The following PTPRN2 variants were observed in gnomAD, a reference collection of about 807,000 sequenced individuals.
PTPRN2 encodes receptor-type tyrosine-protein phosphatase N2.
In PTPRN2, 74 loss-of-function variants were observed where a neutral mutation model predicts 118.8. The ratio of observed to expected loss-of-function variants is 0.62; its 90% CI spans 0.52 to 0.76. The LOEUF (loss-of-function observed/expected upper bound fraction) is 0.76. PTPRN2 is among the 30% of genes least tolerant of loss of function. PTPRN2 has a pLI of 0.00. For missense variants in PTPRN2, 1,481 were observed against 1,394.4 expected, an observed-to-expected ratio of 1.06 and a Z score of -0.99; for synonymous variants, 641 against 608.0, an observed-to-expected ratio of 1.05 and a Z score of -0.80.
chr7:157,799,491 G>A (rs1805093134), intron 12 of PTPRN2, among the ~76,000 whole-genome samples: 1 of 152,046 alleles, frequency 6.6e-6, no homozygotes, highest in Admixed American at 6.6e-5. Flanking sequence ...CCCAGCCCAG[G>A]GCTCCCTCCT....
At chr7:158,197,672 G>C (rs1034650949) in intron 4 of PTPRN2, among the ~76,000 whole-genome samples, 1 of 152,178 alleles carries the variant, frequency 6.6e-6, no homozygotes, top group Non-Finnish European at 1.5e-5. Flanking sequence ...CTCAGGAAAC[G>C]TAACAATCAT....
At chr7:158,028,158 T>C (rs4019394) in intron 11 of PTPRN2, 124,242 of 152,202 alleles carry the variant, frequency 0.82, 51,235 homozygotes, top group Non-Finnish European at 0.89. Flanking sequence ...ATCCACGCTG[T>C]TGTCTCCTCT....
chr7:157,585,819 G>T lies in PTPRN2; in HGVS notation c.2497-7679C>A, dbSNP rs1800641695. ...ACCAATCACACACAGGAGCAGCAGA[G>T]CCTGCTGTTCTCAGCTGGAGCAGTA... On this transcript the variant is annotated intron_variant, in intron 17 of 22. Coordinates refer to ENST00000389418, the MANE Select transcript of PTPRN2 (RefSeq NM_002847.5). This position sits in a 1 kb window ranked among gnomAD's most constrained non-coding sequence, Gnocchi z 5.2. Among the ~76,000 whole-genome samples the T allele has an allele frequency of 2.0e-5, 3 of 152,204 alleles. No individual in the cohort carries two copies. The South Asian group carries it at 6.2e-4, about 31-fold the overall frequency.
At chr7:157,768,333 T>C (rs1585414784) in intron 12 of PTPRN2, among the ~76,000 whole-genome samples, 5 of 152,306 alleles carry the variant, frequency 3.3e-5, no homozygotes. Flanking sequence ...GGCTGTGCGA[T>C]CTGAGTGTGT....
At chr7:157,895,055 C>CG (rs1023163746) in intron 12 of PTPRN2, among the ~76,000 whole-genome samples, 1 of 151,842 alleles carries the variant, frequency 6.6e-6, no homozygotes, top group African/African-American at 2.4e-5. Flanking sequence ...GACCCCTCCC[C>CG]CACAGGAGGG....
At chr7:157,726,973 G>A (rs763095976) in intron 12 of PTPRN2, among the ~76,000 whole-genome samples, 2 of 152,186 alleles carry the variant, frequency 1.3e-5, no homozygotes, top group African/African-American at 2.4e-5. Context: ...TGCCATGTGC[G>A]TGACTCTTAC....
chr7:157,656,451 G>T lies in PTPRN2; in HGVS notation c.2102C>A (p.Pro701Gln). 1.3e-6 allele frequency: 2 copies of T among 1,553,902 alleles called. No homozygotes were observed. The highest frequency in any genetic ancestry group is 8.7e-7 in the Non-Finnish European group (1 of 1,150,096). The change falls in exon 14 of 23, where the codon CCG becomes CAG. Residue 701 changes from proline to glutamine, a missense_variant. Transcript: ENST00000389418. Reference sequence around the variant, plus strand: ...GCTGCGTGCGGAGGGGCTGGGGATCGGCCCGTCGCTGAACTGGGATGAGAC... The same window carrying T: ...GCTGCGTGCGGAGGGGCTGGGGATCTGCCCGTCGCTGAACTGGGATGAGAC... ...SSVSSQFSDG[P>Q]IPSPSARSSA...
chr7:158,439,756 C>T (rs911336006), intron 2 of PTPRN2, among the ~76,000 whole-genome samples: 3 of 152,194 alleles, frequency 2.0e-5, no homozygotes, highest in Admixed American at 6.6e-5. Flanking sequence ...TAAGACAAGT[C>T]TCTGAACGAC....
intron 12 of PTPRN2, among the ~76,000 whole-genome samples, chr7:157,741,218 A>C (rs1414552799): frequency 6.6e-6 from 1 of 152,192 alleles, no homozygotes; most frequent in African/African-American, 2.4e-5. Context: ...TGATTTCCTC[A>C]CTTTTTAAAA....
chr7:158,348,028 C>T (rs1179935006), intron 2 of PTPRN2, among the ~76,000 whole-genome samples: 2 of 152,118 alleles, frequency 1.3e-5, no homozygotes, highest in Admixed American at 6.5e-5. Flanking sequence ...CATCTCATTC[C>T]CTGCCCAGTC....
At position 157,590,713 on chromosome 7, in the gene PTPRN2, C is replaced by A. The variant is rs1206488927; in HGVS notation, c.2496+4525G>T. Reference sequence around the variant, plus strand: ...GGAGAGGCTGGTGAGCATGGAGTGACCTCGATGCCCCATGCTCACCGAGGG... The same window carrying A: ...GGAGAGGCTGGTGAGCATGGAGTGAACTCGATGCCCCATGCTCACCGAGGG... On this transcript the variant is annotated intron_variant, in intron 17 of 22. Transcript: ENST00000389418. This position sits in a 1 kb window ranked among gnomAD's most constrained non-coding sequence, Gnocchi z 4.0. Among the ~76,000 whole-genome samples, 1 of 152,054 alleles carries A rather than the reference C, an allele frequency of 6.6e-6. No homozygotes were observed. Among genetic ancestry groups the A allele is most frequent in the Non-Finnish European group, 1.5e-5 (1 of 68,032 alleles).
At chr7:157,631,757 G>A (rs1263544) in intron 14 of PTPRN2, among the ~76,000 whole-genome samples, 45,024 of 151,746 alleles carry the variant, frequency 0.3, 7,208 homozygotes, top group East Asian at 0.45. Flanking sequence ...GCGTGAACCC[G>A]GGAGGCGGAG....
rs544057855 is a variant in PTPRN2 at position 157,845,183 on chromosome 7, T to C, written c.1788+53490A>G. Among the ~76,000 whole-genome samples the C allele has an allele frequency of 1.3e-5, 2 of 152,260 alleles. No homozygotes were observed. The highest frequency in any genetic ancestry group is 4.1e-4 in the South Asian group (2 of 4,826). ...TTGTTGTTTTTCAAATGGACTATTT[T>C]ATTCCTAGAAAAAGATACACAGGCT... On this transcript the variant is annotated intron_variant, in intron 12 of 22. Transcript: ENST00000389418. The surrounding 1 kb of genome is among the most constrained non-coding windows in gnomAD (Gnocchi z 4.5).
intron 12 of PTPRN2, among the ~76,000 whole-genome samples, chr7:157,805,084 G>C (rs10242980): frequency 0.025 from 3,757 of 152,224 alleles, 154 homozygotes; most frequent in African/African-American, 0.086. Context: ...AAGGCCACAG[G>C]ATACAGATAA....
At chr7:158,484,754 G>A (rs1303984927) in intron 2 of PTPRN2, among the ~76,000 whole-genome samples, 2 of 152,192 alleles carry the variant, frequency 1.3e-5, no homozygotes, top group South Asian at 2.1e-4. Context: ...GTTCCTCCGC[G>A]TCAGTGTGCC....
intron 20 of PTPRN2, 37 bp from the exon 21 acceptor site, chr7:157,569,003 C>G (rs769473869): frequency 3.3e-6 from 5 of 1,516,970 alleles, no homozygotes; most frequent in Non-Finnish European, 4.6e-6. Context: ...GTGCTGCCGT[C>G]CACACGGAAG....
chr7:157,963,304 T>A (rs959002099), intron 11 of PTPRN2, among the ~76,000 whole-genome samples: 9 of 152,208 alleles, frequency 5.9e-5, no homozygotes, highest in African/African-American at 2.2e-4. Context: ...ACTGACAACT[T>A]TGTTGCCTGG....
chr7:158,293,183 G>A lies in PTPRN2; in HGVS notation c.277+23636C>T, dbSNP rs372174548. On this transcript the variant is annotated intron_variant, in intron 3 of 22. Transcript: ENST00000389418. The stretch of plus-strand genomic sequence containing the variant: ...GGTGGGGTGGGTGAGTGTGAAGGCC[G>A]AGGACATTACTGTACACCACTCTAG... Among the ~76,000 whole-genome samples, 78 of 152,120 alleles carry A rather than the reference G, an allele frequency of 5.1e-4. 1 individual carries two copies. Among genetic ancestry groups the A allele is most frequent in the African/African-American group, 1.7e-3 (72 of 41,424 alleles).
chr7:157,707,485 G>T (rs1432068052), intron 12 of PTPRN2, among the ~76,000 whole-genome samples: 1 of 152,204 alleles, frequency 6.6e-6, no homozygotes, highest in Non-Finnish European at 1.5e-5. Context: ...TACCCTTCAG[G>T]GATGGCAATG....
Sources: allele counts gnomAD v4.1 joint callset (sites outside exome capture counted in the v4.1 genomes callset), GRCh38; gene constraint gnomAD v4.1.1; non-coding constraint Gnocchi (gnomAD v3.1); transcripts MANE v1.5; gene names NCBI Gene and HGNC (gene_info 2026-07-23, HGNC 2026-07-21).